The following ABLIM1 variants were observed in gnomAD, a reference collection of about 807,000 sequenced individuals.
ABLIM1 encodes the protein actin-binding LIM protein 1.
ABLIM1 carries 40 observed loss-of-function variants against 107.0 expected under a neutral mutation model. The observed-to-expected ratio is 0.37, with a 90% confidence interval of 0.29 to 0.49. The LOEUF (loss-of-function observed/expected upper bound fraction) is 0.49. Among genes scored for constraint, ABLIM1 ranks in the 20% least tolerant of loss-of-function variants. The probability of loss-of-function intolerance (pLI) is 0.97; values close to 1 mark genes in which losing one functional copy is unlikely to be tolerated. For missense variants in ABLIM1, 857 were observed against 1,008.5 expected, an observed-to-expected ratio of 0.85 and a Z score of 2.04; for synonymous variants, 357 against 357.3, an observed-to-expected ratio of 1.00 and a Z score of 0.01.
intron 6 of ABLIM1, among the ~76,000 whole-genome samples, chr10:114,542,281 T>C (rs2066761232): frequency 6.6e-6 from 1 of 151,640 alleles, no homozygotes; most frequent in Non-Finnish European, 1.5e-5. Context: ...TGTGATGGCA[T>C]GCACCTGTAG....
chr10:114,644,306 A>AAAAAAAAAAAAAAAT (rs1408072252), intron 1 of ABLIM1, among the ~76,000 whole-genome samples: 2 of 52,254 alleles, frequency 3.8e-5, no homozygotes, highest in Non-Finnish European at 3.1e-5. Flanking sequence ...AAAAAAAAAA[A>AAAAAAAAAAAAAAAT]ATATATATAT....
intron 1 of ABLIM1, among the ~76,000 whole-genome samples, chr10:114,617,137 T>C (rs985537474): frequency 5.9e-5 from 9 of 152,066 alleles, no homozygotes; most frequent in African/African-American, 2.2e-4. Context: ...AAGGGGCAAG[T>C]GAGAAAGAGA....
At chr10:114,592,992 C>T (rs2075054663) in intron 2 of ABLIM1, among the ~76,000 whole-genome samples, 1 of 99,200 alleles carries the variant, frequency 1.0e-5, no homozygotes, top group African/African-American at 3.9e-5. Context: ...TGTCAGGGAA[C>T]AGATGGTGTT....
At chr10:114,502,585 C>G (rs943649302) in intron 6 of ABLIM1, among the ~76,000 whole-genome samples, 4 of 152,098 alleles carry the variant, frequency 2.6e-5, no homozygotes, top group African/African-American at 9.7e-5. Flanking sequence ...CAACCTCCTC[C>G]TCCCAGGTTC....
At chr10:114,546,086 G>T (rs533102560) in intron 5 of ABLIM1, among the ~76,000 whole-genome samples, 1 of 152,026 alleles carries the variant, frequency 6.6e-6, no homozygotes, top group African/African-American at 2.4e-5. Flanking sequence ...CCGGAGCCCA[G>T]GGCCGCCTCC....
intron 6 of ABLIM1, among the ~76,000 whole-genome samples, chr10:114,493,736 A>G (rs997350042): frequency 6.6e-6 from 1 of 152,246 alleles, no homozygotes; most frequent in African/African-American, 2.4e-5. Context: ...AAAGCAAATT[A>G]TGGAACTTAA....
intron 1 of ABLIM1, among the ~76,000 whole-genome samples, chr10:114,725,523 G>A (rs958248436): frequency 2.6e-5 from 4 of 152,026 alleles, no homozygotes; most frequent in Non-Finnish European, 5.9e-5. Flanking sequence ...GAGTATGGTC[G>A]CTTTTGGGAA....
chr10:114,686,503 A>G (rs1019365592), upstream of ABLIM1, among the ~76,000 whole-genome samples: 2 of 146,866 alleles, frequency 1.4e-5, no homozygotes, highest in African/African-American at 4.9e-5. Context: ...ACAGGGTGAG[A>G]CCCCGTCTCA....
intron 14 of ABLIM1, 44 bp from the exon 15 acceptor site, chr10:114,448,064 T>C: frequency 6.2e-7 from 1 of 1,612,766 alleles, no homozygotes; most frequent in Non-Finnish European, 8.5e-7. Flanking sequence ...TATTGGTCTG[T>C]AAGACAATGG....
At chr10:114,444,241 G>T in intron 16 of ABLIM1, 107 bp from the exon 17 acceptor site, 1 of 979,004 alleles carries the variant, frequency 1.0e-6, no homozygotes, top group Non-Finnish European at 1.5e-6. Context: ...AGTTTCTCTT[G>T]CTGGAGGGCC....
chr10:114,450,634 G>A (rs1321182152), intron 14 of ABLIM1, among the ~76,000 whole-genome samples: 1 of 151,608 alleles, frequency 6.6e-6, no homozygotes, highest in Non-Finnish European at 1.5e-5. Context: ...AGGAGACAGG[G>A]TTTCGCTACA....
chr10:114,726,162 G>T (rs953710196), intron 1 of ABLIM1, among the ~76,000 whole-genome samples: 2 of 131,898 alleles, frequency 1.5e-5, no homozygotes, highest in African/African-American at 5.8e-5. Context: ...AAAAGTTTTA[G>T]GGAATAGGTT....
intron 1 of ABLIM1, among the ~76,000 whole-genome samples, chr10:114,713,800 A>C (rs887720290): frequency 6.6e-6 from 1 of 152,226 alleles, no homozygotes; most frequent in African/African-American, 2.4e-5. Flanking sequence ...CTTTCTCTAA[A>C]TGCAAACAAT....
intron 1 of ABLIM1, among the ~76,000 whole-genome samples, chr10:114,749,091 A>G (rs1046467143): frequency 2.6e-5 from 4 of 152,194 alleles, no homozygotes; most frequent in South Asian, 2.1e-4. Flanking sequence ...TCTATATACC[A>G]TTCCAAAATT....
chr10:114,527,840 G>GT (rs34890028), intron 6 of ABLIM1, among the ~76,000 whole-genome samples: 103,451 of 138,426 alleles, frequency 0.75, 38,639 homozygotes, highest in African/African-American at 0.83. Flanking sequence ...AATTTTTAAA[G>GT]TTTTTTTTTT....
chr10:114,638,842 T>C (rs1391870521), intron 1 of ABLIM1, among the ~76,000 whole-genome samples: 2 of 152,154 alleles, frequency 1.3e-5, no homozygotes, highest in Admixed American at 6.5e-5. Flanking sequence ...GTCAGGTGAA[T>C]AGCATCATAA....
At chr10:114,491,408 A>G (rs534302844) in intron 7 of ABLIM1, among the ~76,000 whole-genome samples, 21 of 152,230 alleles carry the variant, frequency 1.4e-4, no homozygotes, top group Non-Finnish European at 1.9e-4. Context: ...GTAGCCATCA[A>G]ATAAGTAACA....
intron 2 of ABLIM1, among the ~76,000 whole-genome samples, chr10:114,579,764 C>T (rs1359512453): frequency 6.6e-6 from 1 of 152,164 alleles, no homozygotes; most frequent in African/African-American, 2.4e-5. Context: ...TTCCTCCAGC[C>T]CTGGGCAACC....
At chr10:114,594,771 A>C (rs564676777) in intron 2 of ABLIM1, among the ~76,000 whole-genome samples, 22 of 152,168 alleles carry the variant, frequency 1.4e-4, no homozygotes, top group Middle Eastern at 3.4e-3. Flanking sequence ...AAACAAAACA[A>C]ATTTATGAAT....
Sources: allele counts gnomAD v4.1 joint callset (sites outside exome capture counted in the v4.1 genomes callset), GRCh38; gene constraint gnomAD v4.1.1; transcripts MANE v1.5; gene names NCBI Gene and HGNC (gene_info 2026-07-23, HGNC 2026-07-21).